The following FNDC3B variants were observed in gnomAD, a reference collection of about 807,000 sequenced individuals.
The protein encoded by FNDC3B is fibronectin type III domain-containing protein 3B.
FNDC3B carries 12 observed loss-of-function variants against 151.5 expected under a neutral mutation model. The observed-to-expected ratio is 0.08, with a 90% CI of 0.05 to 0.13. FNDC3B has a LOEUF of 0.13. Ranked by LOEUF, FNDC3B falls within the 10% of genes least tolerant of loss-of-function variation. FNDC3B has a pLI of 1.00. For synonymous variants in FNDC3B, 528 were observed against 549.0 expected, an observed-to-expected ratio of 0.96 and a Z score of 0.54; for missense variants, 1,214 against 1,505.3, an observed-to-expected ratio of 0.81 and a Z score of 3.20.
intron 23 of FNDC3B, among the ~76,000 whole-genome samples, chr3:172,377,830 C>T (rs1465435290): frequency 6.6e-6 from 1 of 152,146 alleles, no homozygotes. Context: ...TCTGGCCAAA[C>T]CGCAGTTATT....
intron 3 of FNDC3B, among the ~76,000 whole-genome samples, chr3:172,140,951 G>C (rs1721597027): frequency 6.6e-6 from 1 of 152,218 alleles, no homozygotes; most frequent in Non-Finnish European, 1.5e-5. Flanking sequence ...TTGGTGTTGA[G>C]TTCTCAGAGT....
At chr3:172,148,255 T>TA (rs1329686372) in intron 3 of FNDC3B, among the ~76,000 whole-genome samples, 2 of 152,104 alleles carry the variant, frequency 1.3e-5, no homozygotes, top group African/African-American at 2.4e-5. Flanking sequence ...AGGAAACTTA[T>TA]AAAAAATATG....
rs140981384 is a variant in FNDC3B, at chr3:172,341,144, G to A, written c.1884G>A (p.Ser628=). The change falls in exon 17 of 26, where the codon TCG becomes TCA. Residue 628 remains serine, a synonymous_variant. Transcript: ENST00000415807. ...AGTGGGAAGTGGCCTACAGTGGGTC[G>A]GCTACCGAATACACCTTCACCCACT... ...ANQWEVAYSG[S]ATEYTFTHLK... 1.8e-5 allele frequency: 29 copies of A among 1,613,936 alleles called. No homozygotes were observed. The highest frequency in any genetic ancestry group is 6.7e-5 in the Admixed American group (4 of 59,998).
chr3:172,248,691 A>G (rs1477966371), intron 5 of FNDC3B, among the ~76,000 whole-genome samples: 1 of 147,838 alleles, frequency 6.8e-6, no homozygotes, highest in East Asian at 1.9e-4. Flanking sequence ...TATATATATA[A>G]TTATATAATT....
intron 5 of FNDC3B, 105 bp from the exon 6 acceptor site, chr3:172,251,154 TC>T (rs1728045509): frequency 1.1e-6 from 1 of 879,854 alleles, no homozygotes. Flanking sequence ...ACTTTAGACT[TC>T]CTTTATACTT....
At position 172,353,962 on chromosome 3, in the gene FNDC3B, G is replaced by GAT. The variant is rs1553795378; in HGVS notation, c.2795+880_2795+881insTA. 4.0e-4 allele frequency among the ~76,000 whole-genome samples: 59 copies of GAT among 148,692 alleles called. No homozygotes were observed. The East Asian group carries it at 0.011, about 28-fold the overall frequency. On this transcript the variant is annotated intron_variant, in intron 22 of 25. Coordinates refer to ENST00000415807, the MANE Select transcript of FNDC3B (RefSeq NM_022763.4). ...GAAAAGGCAAATGTTTGATCTTGGG[G>GAT]AAAAAAAAAAAACTTTAGATAGTCT...
At chr3:172,369,459 C>CG in intron 23 of FNDC3B, among the ~76,000 whole-genome samples, 1 of 145,682 alleles carries the variant, frequency 6.9e-6, no homozygotes. Flanking sequence ...TAAAGTATAC[C>CG]GAAAAAAAAG....
chr3:172,342,769 A>G (rs938031463), intron 17 of FNDC3B, among the ~76,000 whole-genome samples: 1 of 152,210 alleles, frequency 6.6e-6, no homozygotes, highest in African/African-American at 2.4e-5. Flanking sequence ...TCTAACTTCA[A>G]AAATAATCAT....
intron 25 of FNDC3B, among the ~76,000 whole-genome samples, chr3:172,391,958 A>G (rs1474451003): frequency 1.3e-5 from 2 of 150,954 alleles, no homozygotes; most frequent in African/African-American, 4.9e-5. Flanking sequence ...AATAAAGAAC[A>G]CTCACAACTA....
chr3:172,317,698 A>C (rs562397333), intron 11 of FNDC3B, among the ~76,000 whole-genome samples: 3 of 152,244 alleles, frequency 2.0e-5, no homozygotes, highest in African/African-American at 7.2e-5. Flanking sequence ...TATTGTTGAT[A>C]TAAGTTTACC....
chr3:172,178,063 T>G (rs71308540), intron 3 of FNDC3B, among the ~76,000 whole-genome samples: 3 of 152,166 alleles, frequency 2.0e-5, no homozygotes, highest in African/African-American at 7.2e-5. Flanking sequence ...TATTCCATGG[T>G]GTCTGTGTAC....
intron 3 of FNDC3B, 158 bp downstream of exon 3, chr3:172,133,704 T>C (rs1236900164): frequency 2.9e-6 from 2 of 695,192 alleles, no homozygotes; most frequent in Admixed American, 4.3e-5. Context: ...CTCAAATATA[T>C]ATTATGATGT....
At chr3:172,257,843 T>C (rs1487624310) in intron 6 of FNDC3B, among the ~76,000 whole-genome samples, 3 of 152,142 alleles carry the variant, frequency 2.0e-5, no homozygotes, top group Non-Finnish European at 4.4e-5. Context: ...CAATCTATGT[T>C]TCATCAGGCA....
intron 6 of FNDC3B, among the ~76,000 whole-genome samples, chr3:172,257,663 G>C (rs929106274): frequency 2.1e-4 from 32 of 151,790 alleles, no homozygotes; most frequent in African/African-American, 7.7e-4. Flanking sequence ...GGAGGACCTG[G>C]GTCCTTGTCA....
At chr3:172,186,628 A>T in intron 3 of FNDC3B, 1 of 672,080 alleles carries the variant, frequency 1.5e-6, no homozygotes, top group Non-Finnish European at 2.7e-6. Flanking sequence ...GCATTTTAAA[A>T]AATGAAGAAA....
chr3:172,210,286 T>C (rs1479168653), intron 3 of FNDC3B, among the ~76,000 whole-genome samples: 1 of 152,258 alleles, frequency 6.6e-6, no homozygotes, highest in African/African-American at 2.4e-5. Context: ...CATTATGATA[T>C]GTTTTGATAA....
chr3:172,396,598 G>A (rs892059326), intron 25 of FNDC3B, among the ~76,000 whole-genome samples: 1 of 152,114 alleles, frequency 6.6e-6, no homozygotes, highest in East Asian at 1.9e-4. Context: ...CGCACAGCAG[G>A]AAGTGATTGA....
chr3:172,218,116 GAGA>G (rs1268959522), intron 3 of FNDC3B, among the ~76,000 whole-genome samples: 1 of 142,214 alleles, frequency 7.0e-6, no homozygotes, highest in Non-Finnish European at 1.5e-5. Context: ...CAGAGAAACG[GAGA>G]AGATCGACTT....
chr3:172,182,157 G>GT (rs374431515), intron 3 of FNDC3B, among the ~76,000 whole-genome samples: 5 of 152,286 alleles, frequency 3.3e-5, no homozygotes, highest in Non-Finnish European at 7.4e-5. Flanking sequence ...AATCAGCAAG[G>GT]TAAGTTGGGA....
Sources: gnomAD v4.1 joint callset for allele counts (sites outside exome capture counted in the v4.1 genomes callset) on GRCh38, gnomAD v4.1.1 for gene constraint, MANE v1.5 for transcripts, NCBI Gene and HGNC (gene_info 2026-07-23, HGNC 2026-07-21) for gene names.